The following DGKI variants were observed in gnomAD, a reference collection of about 807,000 sequenced individuals.
The protein encoded by DGKI is DAG kinase iota.
A neutral mutation model predicts 147.5 loss-of-function variants in DGKI; 55 were observed. The ratio of observed to expected loss-of-function variants is 0.37; its 90% CI spans 0.30 to 0.47. The LOEUF is 0.47. Among genes scored for constraint, DGKI ranks in the 20% least tolerant of loss-of-function variants. The pLI, the probability that DGKI is intolerant of heterozygous loss-of-function variation, is 1.00. For missense variants in DGKI, 1,007 were observed against 1,323.8 expected (o/e 0.76, Z 3.71); for synonymous variants, 469 against 477.1 (o/e 0.98, Z 0.22).
chr7:137,540,445 G>A (rs1442312815), intron 20 of DGKI, among the ~76,000 whole-genome samples: 1 of 152,044 alleles, frequency 6.6e-6, no homozygotes, highest in African/African-American at 2.4e-5. Context: ...AAATCCTGAG[G>A]ATGCTACCAA....
rs148795382 is a variant in DGKI, at chr7:137,585,442, T to C, written c.1426-96A>G. ...AGGAAGAGCCAAGCCGTTATATTGT[T>C]TATTTTATAATTAGCAAGGTTTGAA... On this transcript the variant is annotated intron_variant, in intron 13 of 32. Transcript: ENST00000614521. 5.9e-4 allele frequency: 846 copies of C among 1,445,588 alleles called. 9 individuals are homozygous for C. The East Asian group carries it at 0.018, about 31-fold the overall frequency. The allele number at this position is 1,445,588 out of a possible 1,614,324, so 89.5% of individuals were successfully genotyped here.
At chr7:137,421,650 C>G (rs1440816608) in intron 28 of DGKI, among the ~76,000 whole-genome samples, 1 of 152,214 alleles carries the variant, frequency 6.6e-6, no homozygotes, top group African/African-American at 2.4e-5. Context: ...CAAAGCATCC[C>G]ATTTGCTTAT....
chr7:137,741,735 A>C (rs1795177771), intron 1 of DGKI, among the ~76,000 whole-genome samples: 1 of 152,194 alleles, frequency 6.6e-6, no homozygotes, highest in African/African-American at 2.4e-5. Flanking sequence ...GGTTGAATCT[A>C]GTTAAGATAA....
At chr7:137,668,483 G>GTGTATGTGTC (rs1470335461) in intron 3 of DGKI, among the ~76,000 whole-genome samples, 2 of 152,202 alleles carry the variant, frequency 1.3e-5, no homozygotes, top group Admixed American at 6.5e-5. Context: ...GTGTCTGTGT[G>GTGTATGTGTC]TGTATGTGTC....
intron 29 of DGKI, among the ~76,000 whole-genome samples, chr7:137,408,623 A>AAC (rs1262925335): frequency 7.2e-5 from 11 of 152,160 alleles, no homozygotes; most frequent in Non-Finnish European, 1.5e-4. Flanking sequence ...TTAATCATCC[A>AAC]ACACATACCT....
chr7:137,580,512 G>A (rs1353482521), intron 15 of DGKI, among the ~76,000 whole-genome samples: 2 of 152,118 alleles, frequency 1.3e-5, no homozygotes, highest in African/African-American at 4.8e-5. Flanking sequence ...GCCAATCAGA[G>A]AGGAATACCA....
At chr7:137,599,693 A>C in intron 11 of DGKI, 130 bp downstream of exon 11, 1 of 719,190 alleles carries the variant, frequency 1.4e-6, no homozygotes, top group Non-Finnish European at 2.3e-6. Context: ...TTTTAAAGGA[A>C]GGAGAGTACA....
At chr7:137,829,334 A>G (rs1798154918) in intron 1 of DGKI, among the ~76,000 whole-genome samples, 1 of 152,180 alleles carries the variant, frequency 6.6e-6, no homozygotes, top group Non-Finnish European at 1.5e-5. Flanking sequence ...TCCTAGTTAC[A>G]CCCTGAAAGT....
chr7:137,500,959 G>T (rs999999483), intron 21 of DGKI, among the ~76,000 whole-genome samples: 1 of 151,932 alleles, frequency 6.6e-6, no homozygotes, highest in Non-Finnish European at 1.5e-5. Context: ...GAACCATAAA[G>T]GTTATTTATT....
intron 7 of DGKI, among the ~76,000 whole-genome samples, chr7:137,622,110 T>C (rs1050813736): frequency 1.7e-4 from 26 of 152,256 alleles, no homozygotes; most frequent in Admixed American, 5.9e-4. Flanking sequence ...ATAAAAAATG[T>C]CACAGGATTG....
At chr7:137,620,971 A>G (rs1164975523) in intron 7 of DGKI, among the ~76,000 whole-genome samples, 1 of 152,252 alleles carries the variant, frequency 6.6e-6, no homozygotes, top group Non-Finnish European at 1.5e-5. Flanking sequence ...AAAAGTAAAA[A>G]GTATCACTGA....
At chr7:137,556,872 T>C (rs1818241700) in intron 19 of DGKI, among the ~76,000 whole-genome samples, 1 of 152,218 alleles carries the variant, frequency 6.6e-6, no homozygotes, top group South Asian at 2.1e-4. Context: ...TGGTCAAACA[T>C]TCTAGATGCT....
chr7:137,442,812 T>C (rs540769998), intron 28 of DGKI, among the ~76,000 whole-genome samples: 121 of 152,326 alleles, frequency 7.9e-4, no homozygotes, highest in Non-Finnish European at 1.0e-3. Context: ...TTGTTTGCTC[T>C]TCGTTGGAAA....
chr7:137,571,340 A>AG, intron 18 of DGKI, 54 bp from the exon 19 acceptor site: 33 of 1,260,140 alleles, frequency 2.6e-5, no homozygotes, highest in Non-Finnish European at 3.2e-5. Context: ...TCTCATGACT[A>AG]TCATGAGGTG....
intron 5 of DGKI, among the ~76,000 whole-genome samples, chr7:137,653,104 GTGTGTGTGTGTGTGTATGTGTGTT>G (rs1423776756): frequency 6.6e-6 from 1 of 150,720 alleles, no homozygotes; most frequent in Non-Finnish European, 1.5e-5. Flanking sequence ...AGTTTTTCAG[GTGTGTGTGTGTGTGTATGTGTGTT>G]TGTGTGTGTG....
intron 10 of DGKI, among the ~76,000 whole-genome samples, chr7:137,608,085 G>A (rs1820242756): frequency 6.6e-6 from 1 of 152,096 alleles, no homozygotes; most frequent in African/African-American, 2.4e-5. Flanking sequence ...TTGGACCAGT[G>A]GGTCAATCCT....
intron 3 of DGKI, among the ~76,000 whole-genome samples, chr7:137,667,887 A>C (rs775196798): frequency 1.3e-5 from 2 of 152,196 alleles, no homozygotes; most frequent in Non-Finnish European, 2.9e-5. Flanking sequence ...TAATGAGGAC[A>C]TCATACCCAC....
chr7:137,533,744 AG>A (rs1438953057), intron 20 of DGKI, among the ~76,000 whole-genome samples: 5 of 151,932 alleles, frequency 3.3e-5, no homozygotes, highest in Non-Finnish European at 7.4e-5. Flanking sequence ...TAAGACTGAA[AG>A]GCTTTGGCCT....
chr7:137,729,860 A>G (rs1373309500), intron 1 of DGKI, among the ~76,000 whole-genome samples: 1 of 152,032 alleles, frequency 6.6e-6, no homozygotes, highest in Non-Finnish European at 1.5e-5. Context: ...TAATGGTTCC[A>G]TGTTCACTAC....
Sources: allele counts gnomAD v4.1 joint callset (sites outside exome capture counted in the v4.1 genomes callset), GRCh38; gene constraint gnomAD v4.1.1; transcripts MANE v1.5; gene names NCBI Gene and HGNC (gene_info 2026-07-23, HGNC 2026-07-21).